USP28: variants seen among roughly 807,000 people sequenced by gnomAD.
USP28 encodes the protein ubiquitin specific peptidase 28.
USP28 carries 113 observed loss-of-function variants against 145.0 expected under a neutral mutation model. The observed-to-expected ratio is 0.78, with a 90% CI of 0.67 to 0.91. USP28 has a LOEUF of 0.91. Among genes scored for constraint, USP28 ranks in the 40% least tolerant of loss-of-function variants. The pLI is 0.00. For missense variants in USP28, 1,201 were observed against 1,289.6 expected (o/e 0.93, Z 1.05); for synonymous variants, 447 against 450.9 (o/e 0.99, Z 0.11).
intron 1 of USP28, among the ~76,000 whole-genome samples, chr11:113,866,821 G>C (rs924523320): frequency 2.0e-5 from 3 of 152,030 alleles, no homozygotes; most frequent in African/African-American, 7.2e-5. Context: ...AGGGAAAACA[G>C]GTACTCAAAT....
rs1943695357 is a variant in USP28 at position 113,829,130 on chromosome 11, G to T, written c.1059+67C>A. ...TTAATATGTGATGGGAAACTAGTCT[G>T]CCCAAAAGCTCACTCCTACTTAACT... On this transcript the variant is annotated intron_variant, in intron 10 of 24. Coordinates refer to ENST00000003302, the Ensembl canonical transcript of USP28. The T allele has an allele frequency of 3.8e-6, 6 of 1,582,298 alleles. No individual in the cohort carries two copies. In the South Asian group the frequency reaches 5.9e-5, roughly 16 times the overall value.
chr11:113,838,815 C>T (rs552847034), intron 5 of USP28, among the ~76,000 whole-genome samples: 2 of 152,332 alleles, frequency 1.3e-5, no homozygotes, highest in Non-Finnish European at 2.9e-5. Context: ...TTAGTCACTG[C>T]TGTTTCCCCA....
chr11:113,838,515 AT>A (rs1461838691), intron 5 of USP28, among the ~76,000 whole-genome samples: 2 of 152,084 alleles, frequency 1.3e-5, no homozygotes, highest in Non-Finnish European at 2.9e-5. Context: ...GCTATTTGCT[AT>A]TTGTCAGACA....
rs1415571045 is a variant in USP28, at chr11:113,830,927, A to G, written c.850T>C (p.Ser284Pro). The change falls in exon 9 of 25, where the codon TCT becomes CCT. Residue 284 changes from serine (S) to proline (P), a missense_variant. Physicochemically the swap from Ser to Pro is moderately conservative, Grantham distance 74 (BLOSUM62 -1). Transcript: ENST00000003302. Reference sequence around the variant, plus strand: ...AACAGCTGCACCATTGGATTTTCAGATTTGTTCCTGGGACTGCTGCTTTTA... The same window carrying G: ...AACAGCTGCACCATTGGATTTTCAGGTTTGTTCCTGGGACTGCTGCTTTTA... The G allele has an allele frequency of 8.7e-6, 14 of 1,613,904 alleles. No individual in the cohort carries two copies. The South Asian group carries it at 1.4e-4, about 16-fold the overall frequency.
At chr11:113,836,389 A>G (rs1224651375) in intron 5 of USP28, among the ~76,000 whole-genome samples, 1 of 152,114 alleles carries the variant, frequency 6.6e-6, no homozygotes. Flanking sequence ...ATCGCCGCTC[A>G]CTTGCACATG....
chr11:113,834,489 G>C (rs1944350412), intron 5 of USP28, among the ~76,000 whole-genome samples, 154 bp from the exon 6 acceptor site: 1 of 152,186 alleles, frequency 6.6e-6, no homozygotes, highest in East Asian at 1.9e-4. Flanking sequence ...GGAAATAATG[G>C]TTGTGCACAA....
chr11:113,840,741 A>C (rs1945101889), exon 5 of USP28: 4 of 1,614,146 alleles, frequency 2.5e-6, no homozygotes, highest in East Asian at 2.2e-5. Context: ...GTTTCTGCAG[A>C]GGTTGCTTCA....
chr11:113,832,367 C>T (rs1331083221), intron 7 of USP28, among the ~76,000 whole-genome samples: 3 of 152,296 alleles, frequency 2.0e-5, no homozygotes, highest in South Asian at 4.1e-4. Context: ...GCCTCGGCGT[C>T]GCAAGTGCTG....
intron 3 of USP28, among the ~76,000 whole-genome samples, chr11:113,842,226 T>C (rs1945272907): frequency 6.6e-6 from 1 of 151,662 alleles, no homozygotes; most frequent in Non-Finnish European, 1.5e-5. Flanking sequence ...TACTCACAGA[T>C]ACAAAATACC....
chr11:113,854,332 A>T (rs756190542), exon 2 of USP28: 1 of 1,613,840 alleles, frequency 6.2e-7, no homozygotes, highest in Non-Finnish European at 8.5e-7. Context: ...AGCATTTGGC[A>T]GCTCTATATT....
At chr11:113,873,109 G>A (rs913614255) in intron 1 of USP28, among the ~76,000 whole-genome samples, 4 of 152,164 alleles carry the variant, frequency 2.6e-5, no homozygotes, top group African/African-American at 7.2e-5. Flanking sequence ...TATCCTTTAA[G>A]GGAAAGGTAG....
Position 113,815,158 on chromosome 11 carries a change from T to C in USP28, c.1672+16A>G, listed in dbSNP as rs761279298. On this transcript the variant is annotated intron_variant, in intron 14 of 24. Coordinates refer to ENST00000003302, the Ensembl canonical transcript of USP28. ...GAAAAAGCAAAGAGTAACTGACAAA[T>C]TTTAAAAGAGCCAACCTTGTATATC... 6.2e-7 allele frequency: 1 copy of C among 1,608,460 alleles called. No individual in the cohort carries two copies. Among genetic ancestry groups the C allele is most frequent in the Admixed American group, 1.7e-5 (1 of 59,126 alleles).
chr11:113,834,213 A>G, intron 6 of USP28, 36 bp downstream of exon 6: 2 of 1,544,714 alleles, frequency 1.3e-6, no homozygotes, highest in African/African-American at 1.4e-5. Flanking sequence ...GAAAGGGACT[A>G]AACAACAGTG....
At chr11:113,802,596 T>A (rs1442039560) in intron 23 of USP28, among the ~76,000 whole-genome samples, 1 of 152,190 alleles carries the variant, frequency 6.6e-6, no homozygotes, top group African/African-American at 2.4e-5. Context: ...CATGTAGTTA[T>A]ACAGTGCAAA....
chr11:113,801,469 C>G lies in USP28; in HGVS notation c.3058+14G>C. ...TTCTCAAAACCTCAGAATATTATTA[C>G]CAAGAGCATATACCTGCAATATCTT... On this transcript the variant is annotated intron_variant, in intron 24 of 24. Transcript: ENST00000003302. The G allele has an allele frequency of 6.5e-7, 1 of 1,531,548 alleles. No individual in the cohort carries two copies. Among genetic ancestry groups the G allele is most frequent in the Non-Finnish European group, 8.9e-7 (1 of 1,124,904 alleles). The allele number at this position is 1,531,548 out of a possible 1,614,324, so 94.9% of individuals were successfully genotyped here. A position where few individuals can be genotyped will look rare whatever the true frequency, so the allele number is the denominator to read the frequency against.
chr11:113,862,278 C>T (rs779591853), intron 1 of USP28, among the ~76,000 whole-genome samples: 1 of 152,132 alleles, frequency 6.6e-6, no homozygotes, highest in African/African-American at 2.4e-5. Flanking sequence ...ACCCAGGAGG[C>T]GGAGGTTGCA....
chr11:113,850,415 GA>G (rs1375357231), intron 3 of USP28, among the ~76,000 whole-genome samples: 1 of 152,158 alleles, frequency 6.6e-6, no homozygotes, highest in Non-Finnish European at 1.5e-5. Flanking sequence ...ACACACCAGT[GA>G]AAATGAATGA....
intron 13 of USP28, among the ~76,000 whole-genome samples, chr11:113,815,995 A>G (rs1941678639): frequency 6.6e-6 from 1 of 152,240 alleles, no homozygotes; most frequent in Non-Finnish European, 1.5e-5. Flanking sequence ...CAAGGAAAAA[A>G]GTATTAATAT....
At chr11:113,800,079 C>A (rs573997300) in intron 24 of USP28, among the ~76,000 whole-genome samples, 1 of 151,872 alleles carries the variant, frequency 6.6e-6, no homozygotes, top group Admixed American at 6.6e-5. Flanking sequence ...CATCTTTGCT[C>A]ACTGCAAGCT....
Sources: allele counts gnomAD v4.1 joint callset (sites outside exome capture counted in the v4.1 genomes callset), GRCh38; gene constraint gnomAD v4.1.1; transcripts MANE v1.5; gene names NCBI Gene and HGNC (gene_info 2026-07-23, HGNC 2026-07-21).